DNAAF1: variants seen among roughly 807,000 people sequenced by gnomAD.
The protein encoded by DNAAF1 is dynein assembly factor 1, axonemal.
A neutral mutation model predicts 71.1 loss-of-function variants in DNAAF1; 65 were observed. The ratio of observed to expected loss-of-function variants is 0.91; its 90% CI spans 0.75 to 1.12. The LOEUF is 1.12. Ranked by LOEUF, DNAAF1 falls within the 50% of genes most tolerant of loss-of-function variation. The probability of loss-of-function intolerance (pLI) is 0.00; values close to 1 mark genes in which losing one functional copy is unlikely to be tolerated. For synonymous variants in DNAAF1, 414 were observed against 354.6 expected (o/e 1.17, Z -1.88); for missense variants, 1,178 against 899.8 (o/e 1.31, Z -3.96).
intron 5 of DNAAF1, chr16:84,159,029 C>T: frequency 1.0e-6 from 1 of 987,096 alleles, no homozygotes; most frequent in African/African-American, 1.7e-5. Context: ...CCATGCCCAG[C>T]CCCACTAAGC....
intron 1 of DNAAF1, among the ~76,000 whole-genome samples, chr16:84,146,433 A>C (rs2086913322): frequency 6.6e-6 from 1 of 151,754 alleles, no homozygotes; most frequent in Non-Finnish European, 1.5e-5. Flanking sequence ...GATAACCTTC[A>C]TGGCCAGGCA....
At position 84,145,415 on chromosome 16, in the gene DNAAF1, G is replaced by A. The variant is rs1186711993; in HGVS notation, c.-26G>A. On this transcript the variant is annotated 5_prime_UTR_variant, in exon 1 of 12. Coordinates refer to ENST00000378553, the MANE Select transcript of DNAAF1 (RefSeq NM_178452.6). ...CGAACCTGGGCCCCCCAAAGCTGCG[G>A]GGCGTTCGGTGTCGCCGAAGTAAAC... is the stretch of plus-strand genomic sequence containing the variant. 4 of 1,573,052 alleles carry A rather than the reference G, an allele frequency of 2.5e-6. No individual in the cohort carries two copies. The highest frequency in any genetic ancestry group is 3.4e-6 in the Non-Finnish European group (4 of 1,159,466).
intron 6 of DNAAF1, among the ~76,000 whole-genome samples, chr16:84,160,903 C>G (rs1597442522): frequency 6.6e-6 from 1 of 151,240 alleles, no homozygotes; most frequent in East Asian, 1.9e-4. Flanking sequence ...CGCCACTGCA[C>G]TCCAGCCTGG....
intron 4 of DNAAF1, 152 bp from the exon 5 acceptor site, chr16:84,155,431 G>T (rs2087380412): frequency 1.2e-6 from 1 of 861,054 alleles, no homozygotes; most frequent in African/African-American, 1.7e-5. Context: ...GTCTCACTGT[G>T]TTGCCCAGGC....
intron 8 of DNAAF1, 137 bp from the exon 9 acceptor site, chr16:84,172,123 C>T: frequency 1.3e-6 from 1 of 793,220 alleles, no homozygotes; most frequent in Non-Finnish European, 2.2e-6. Flanking sequence ...GTGATCCGCC[C>T]ACCTTGGCCC....
chr16:84,148,882 A>T (rs999974083), intron 1 of DNAAF1, 125 bp from the exon 2 acceptor site: 20 of 1,127,648 alleles, frequency 1.8e-5, no homozygotes, highest in Non-Finnish European at 2.2e-5. Flanking sequence ...GAGCCACCAT[A>T]CCCAGCCACT....
At chr16:84,163,883 A>C (rs2087841383) in intron 6 of DNAAF1, among the ~76,000 whole-genome samples, 1 of 147,266 alleles carries the variant, frequency 6.8e-6, no homozygotes, top group Non-Finnish European at 1.5e-5. Flanking sequence ...TGTGGGGGAC[A>C]GCGTTTTGCT....
chr16:84,167,034 T>A (rs1169334616), intron 7 of DNAAF1, among the ~76,000 whole-genome samples: 1 of 152,134 alleles, frequency 6.6e-6, no homozygotes, highest in Non-Finnish European at 1.5e-5. Context: ...AAGATGACTC[T>A]CCACTTCCAA....
chr16:84,165,936 G>A lies in DNAAF1; in HGVS notation c.1017G>A (p.Glu339=), dbSNP rs201610222. 1.4e-5 allele frequency: 23 copies of A among 1,612,796 alleles called. No individual in the cohort carries two copies. The highest frequency in any genetic ancestry group is 1.9e-5 in the Non-Finnish European group (22 of 1,179,694). The change falls in exon 7 of 12, where the codon GAG becomes GAA. Residue 339 remains glutamate (E), a synonymous_variant. Coordinates refer to ENST00000378553, the MANE Select transcript of DNAAF1 (RefSeq NM_178452.6). The part of the protein sequence containing the change: ...QRAEERKRQR[E]SQERGEMTSS... ...CAGAGGAGAGGAAAAGACAGAGAGA[G>A]AGTCAAGAGAGAGGTATGCGCTCGG...
At chr16:84,164,934 C>T (rs1020769198) in intron 6 of DNAAF1, among the ~76,000 whole-genome samples, 10 of 152,054 alleles carry the variant, frequency 6.6e-5, no homozygotes, top group African/African-American at 1.4e-4. Flanking sequence ...GCAGCGTTGC[C>T]GTGTTTTGGA....
intron 11 of DNAAF1, 21 bp from the exon 12 acceptor site, chr16:84,177,708 A>G (rs1283840279): frequency 1.2e-6 from 2 of 1,601,550 alleles, no homozygotes; most frequent in Non-Finnish European, 1.7e-6. Context: ...GAGAAAGCAC[A>G]GGTCACCCTT....
intron 6 of DNAAF1, chr16:84,162,222 CT>C (rs2087747582): frequency 6.6e-6 from 1 of 152,096 alleles, no homozygotes; most frequent in South Asian, 2.1e-4. Context: ...TAAGGTAAGC[CT>C]CCTGTTTTTA....
intron 6 of DNAAF1, among the ~76,000 whole-genome samples, chr16:84,160,560 G>A (rs2087650517): frequency 6.6e-6 from 1 of 152,174 alleles, no homozygotes. Flanking sequence ...TAAAATAAAT[G>A]TAGCTTGTAA....
At chr16:84,158,169 C>G (rs781197908) in intron 5 of DNAAF1, among the ~76,000 whole-genome samples, 1 of 152,152 alleles carries the variant, frequency 6.6e-6, no homozygotes, top group Non-Finnish European at 1.5e-5. Flanking sequence ...CGCGCCACTA[C>G]ACTCCAGCCT....
chr16:84,170,984 T>G (rs183809668), intron 8 of DNAAF1, among the ~76,000 whole-genome samples: 20 of 152,356 alleles, frequency 1.3e-4, no homozygotes, highest in African/African-American at 4.3e-4. Flanking sequence ...TATTTTACTT[T>G]TTTCAAAAAT....
At chr16:84,148,288 T>A (rs2087008729) in intron 1 of DNAAF1, among the ~76,000 whole-genome samples, 1 of 152,156 alleles carries the variant, frequency 6.6e-6, no homozygotes, top group African/African-American at 2.4e-5. Context: ...GAAACTTGCT[T>A]TTTTCACTCC....
chr16:84,146,173 G>T (rs1168439802), intron 1 of DNAAF1, among the ~76,000 whole-genome samples: 1 of 152,150 alleles, frequency 6.6e-6, no homozygotes, highest in African/African-American at 2.4e-5. Context: ...CAGAGCCCCA[G>T]CCCTAACCCA....
rs756284223 is a variant in DNAAF1, at chr16:84,175,249, T to C, written c.1698+527T>C. 6.7e-4 allele frequency: 142 copies of C among 212,738 alleles called. 1 individual carries two copies. The highest frequency in any genetic ancestry group is 7.9e-4 in the Admixed American group (15 of 19,028). The allele number at this position is 212,738 out of a possible 1,614,324, so 13.2% of individuals were successfully genotyped here. ...TATGATGAACCACTTGAAAATCTAT[T>C]GCTGGTTTGTAACAGCTGAGTACAG... is the stretch of plus-strand genomic sequence containing the variant. On this transcript the variant is annotated intron_variant, in intron 10 of 11. Coordinates refer to ENST00000378553, the MANE Select transcript of DNAAF1 (RefSeq NM_178452.6).
intron 11 of DNAAF1, 46 bp downstream of exon 11, chr16:84,176,345 C>T: frequency 6.2e-7 from 1 of 1,611,442 alleles, no homozygotes; most frequent in Non-Finnish European, 8.5e-7. Flanking sequence ...TGTTGGCTCC[C>T]CGGCCTGGGA....
Sources: allele counts gnomAD v4.1 joint callset (sites outside exome capture counted in the v4.1 genomes callset), GRCh38; gene constraint gnomAD v4.1.1; transcripts MANE v1.5; gene names NCBI Gene and HGNC (gene_info 2026-07-23, HGNC 2026-07-21).